Variants in DAPK1 observed in about 807,000 individuals in gnomAD.
The protein encoded by DAPK1 is death-associated protein kinase 1.
In DAPK1, 56 loss-of-function variants were observed where a neutral mutation model predicts 144.9. The observed-to-expected ratio is 0.39, with a 90% CI of 0.31 to 0.48. The LOEUF is 0.48. Ranked by LOEUF, DAPK1 falls within the 20% of genes least tolerant of loss-of-function variation. The pLI, the probability that DAPK1 is intolerant of heterozygous loss-of-function variation, is 0.95. For missense variants in DAPK1, 1,454 were observed against 1,875.4 expected, an observed-to-expected ratio of 0.78 and a Z score of 4.15; for synonymous variants, 690 against 749.0, an observed-to-expected ratio of 0.92 and a Z score of 1.29.
rs79762376 is a variant in DAPK1 at position 87,665,705 on chromosome 9, T to G, written c.1924-2892T>G. Among the ~76,000 whole-genome samples the G allele has an allele frequency of 7.5e-3, 1,143 of 152,280 alleles. 28 individuals carry two copies. Among genetic ancestry groups the G allele is most frequent in the East Asian group, 0.074 (385 of 5,168 alleles). ...TGGGGCTCCGGCTTCTTGAACACAA[T>G]AAGTGAAGTGGCCTTTCACCTTTCC... On this transcript the variant is annotated intron_variant, in intron 18 of 25. Transcript: ENST00000408954.
intron 2 of DAPK1, among the ~76,000 whole-genome samples, chr9:87,595,510 C>T (rs1329369542): frequency 1.3e-5 from 2 of 152,288 alleles, no homozygotes; most frequent in South Asian, 2.1e-4. Flanking sequence ...AATCCTCAGC[C>T]GCTCTGGTTT....
intron 12 of DAPK1, 79 bp from the exon 13 acceptor site, chr9:87,646,382 T>TACA: frequency 9.8e-7 from 1 of 1,015,340 alleles, no homozygotes; most frequent in East Asian, 2.4e-5. Flanking sequence ...GGAAGGTGTG[T>TACA]GGTAACAGCA....
At chr9:87,645,226 A>G (rs1830228112) in intron 11 of DAPK1, among the ~76,000 whole-genome samples, 1 of 152,118 alleles carries the variant, frequency 6.6e-6, no homozygotes, top group South Asian at 2.1e-4. Context: ...AGATTTTTCC[A>G]GTTTTTGTTC....
At chr9:87,546,830 G>A (rs1303772733) in intron 2 of DAPK1, among the ~76,000 whole-genome samples, 2 of 151,914 alleles carry the variant, frequency 1.3e-5, no homozygotes, top group African/African-American at 4.8e-5. Flanking sequence ...GCACTGCCTA[G>A]AGCAATCTGC....
intron 2 of DAPK1, among the ~76,000 whole-genome samples, chr9:87,556,635 A>G (rs1826728347): frequency 6.6e-6 from 1 of 152,176 alleles, no homozygotes; most frequent in Non-Finnish European, 1.5e-5. Context: ...ACCCTTTCAC[A>G]GAGCAGGGTT....
At chr9:87,639,251 C>A in intron 4 of DAPK1, 103 bp from the exon 5 acceptor site, 2 of 1,128,462 alleles carry the variant, frequency 1.8e-6, no homozygotes, top group South Asian at 1.6e-5. Flanking sequence ...TTCTTCCCTA[C>A]TTTTTGGCCT....
At chr9:87,519,994 TG>T (rs202063911) in intron 2 of DAPK1, among the ~76,000 whole-genome samples, 3,631 of 151,228 alleles carry the variant, frequency 0.024, 126 homozygotes, top group African/African-American at 0.081. Context: ...GACTTTTTTT[TG>T]TTGTTGTTAA....
chr9:87,643,170 T>TA (rs1331173498), intron 10 of DAPK1, among the ~76,000 whole-genome samples: 1 of 152,152 alleles, frequency 6.6e-6, no homozygotes, highest in Non-Finnish European at 1.5e-5. Context: ...ATAAGACCTT[T>TA]AAAATTATTC....
At position 87,567,927 on chromosome 9, in the gene DAPK1, A is replaced by C. The variant is rs377078850; in HGVS notation, c.63-37027A>C. Among the ~76,000 whole-genome samples the C allele has an allele frequency of 7.2e-5, 11 of 152,316 alleles. No homozygotes were observed. In the East Asian group the frequency reaches 1.3e-3, roughly 19 times the overall value. On this transcript the variant is annotated intron_variant, in intron 2 of 25. Transcript: ENST00000408954. ...TTTCAGTTTCTTTTAATATTTATAG[A>C]CACCCCAAAAAGGCTGCCACTATTC...
At chr9:87,622,514 C>G (rs543000723) in intron 3 of DAPK1, among the ~76,000 whole-genome samples, 2 of 152,050 alleles carry the variant, frequency 1.3e-5, no homozygotes, top group Admixed American at 1.3e-4. Flanking sequence ...AAGGTAGATT[C>G]TCTTCCCTGA....
chr9:87,501,239 G>T (rs1374402899), intron 2 of DAPK1, among the ~76,000 whole-genome samples: 2 of 152,174 alleles, frequency 1.3e-5, no homozygotes, highest in Non-Finnish European at 2.9e-5. Flanking sequence ...ACTTTACTTG[G>T]CCAGGCGAGG....
intron 18 of DAPK1, among the ~76,000 whole-genome samples, chr9:87,663,552 C>T (rs948151173): frequency 3.3e-5 from 5 of 152,154 alleles, no homozygotes; most frequent in East Asian, 3.9e-4. Context: ...ACCCTTGGCA[C>T]GCCCTGACAA....
intron 2 of DAPK1, among the ~76,000 whole-genome samples, chr9:87,521,182 G>C (rs375537319): frequency 4.3e-4 from 65 of 152,364 alleles, no homozygotes; most frequent in African/African-American, 1.4e-3. Context: ...TGTTGCAGGG[G>C]TTGAAGCATT....
intron 2 of DAPK1, among the ~76,000 whole-genome samples, chr9:87,517,503 C>A (rs187175515): frequency 1.1e-3 from 174 of 152,230 alleles, no homozygotes; most frequent in Middle Eastern, 3.4e-3. Context: ...TGTAATCATT[C>A]TTTTGTTCCC....
rs530045164 is a variant in DAPK1 at position 87,632,320 on chromosome 9, T to C, written c.285-5623T>C. 12 of 980,320 alleles carry C rather than the reference T, an allele frequency of 1.2e-5. No individual in the cohort carries two copies. The South Asian group carries it at 4.7e-4, about 39-fold the overall frequency. The allele number at this position is 980,320 out of a possible 1,614,324, so 60.7% of individuals were successfully genotyped here. A position where few individuals can be genotyped will look rare whatever the true frequency, so the allele number is the denominator to read the frequency against. ...ATGTAGAAATGAAGGAAGATGAGTATACATGTAGGGACAAGGAGGATGAGT... is the reference window on the plus strand; with the variant it reads ...ATGTAGAAATGAAGGAAGATGAGTACACATGTAGGGACAAGGAGGATGAGT... On this transcript the variant is annotated intron_variant, in intron 3 of 25. Coordinates refer to ENST00000408954, the MANE Select transcript of DAPK1 (RefSeq NM_004938.4).
In DAPK1 at chr9:87,686,663, C is replaced by T; in HGVS notation, c.2337C>T (p.Ala779=). The change falls in exon 21 of 26, where the codon GCC becomes GCT. Residue 779 remains alanine (A), a synonymous_variant. Coordinates refer to ENST00000408954, the MANE Select transcript of DAPK1 (RefSeq NM_004938.4). This position sits in a 1 kb window ranked among gnomAD's most constrained non-coding sequence, Gnocchi z 4.2. The stretch of plus-strand genomic sequence containing the variant: ...AAGGGATGCTGGAGGTGTTTGTGGC[C>T]CCGACCCACCACCCGCACTGCTCGG... The part of the protein sequence containing the change: ...LTKGMLEVFV[A]PTHHPHCSAD... The T allele has an allele frequency of 6.2e-7, 1 of 1,612,772 alleles. No individual in the cohort carries two copies. Among genetic ancestry groups the T allele is most frequent in the South Asian group, 1.1e-5 (1 of 90,978 alleles).
chr9:87,559,604 C>T (rs550865932), intron 2 of DAPK1, among the ~76,000 whole-genome samples: 30 of 152,270 alleles, frequency 2.0e-4, no homozygotes, highest in South Asian at 1.9e-3. Flanking sequence ...GGATGTAGGA[C>T]GCCTTGGACT....
At chr9:87,508,758 C>T (rs1824714294) in intron 2 of DAPK1, among the ~76,000 whole-genome samples, 1 of 151,774 alleles carries the variant, frequency 6.6e-6, no homozygotes, top group Non-Finnish European at 1.5e-5. Context: ...CTTTTTTTTC[C>T]CCATTCATGA....
chr9:87,608,642 T>G (rs1828817690), intron 3 of DAPK1, among the ~76,000 whole-genome samples: 1 of 152,208 alleles, frequency 6.6e-6, no homozygotes, highest in Non-Finnish European at 1.5e-5. Flanking sequence ...CTCTGTACTG[T>G]TTTTCAATTG....
Sources: gnomAD v4.1 joint callset for allele counts (sites outside exome capture counted in the v4.1 genomes callset) on GRCh38, gnomAD v4.1.1 for gene constraint, Gnocchi (gnomAD v3.1) non-coding constraint, MANE v1.5 for transcripts, NCBI Gene and HGNC (gene_info 2026-07-23, HGNC 2026-07-21) for gene names.